GCC2: variants seen among roughly 807,000 people sequenced by gnomAD.
The protein encoded by GCC2 is GRIP and coiled-coil domain-containing protein 2.
In GCC2, 120 loss-of-function variants were observed where a neutral mutation model predicts 210.6. The observed-to-expected ratio is 0.57, with a 90% confidence interval of 0.49 to 0.66. The LOEUF is 0.66. Among genes scored for constraint, GCC2 ranks in the 30% least tolerant of loss-of-function variants. GCC2 has a pLI of 0.00. For missense variants in GCC2, 1,868 were observed against 1,871.9 expected (o/e 1.00, Z 0.04); for synonymous variants, 703 against 652.7 (o/e 1.08, Z -1.17).
intron 6 of GCC2, 136 bp downstream of exon 6, chr2:108,472,252 G>C: frequency 5.9e-6 from 3 of 505,928 alleles, no homozygotes; most frequent in South Asian, 4.1e-5. Context: ...TTTCTGAAAA[G>C]TGCATTAGAC....
chr2:108,491,099 A>G (rs1682383059), intron 18 of GCC2, among the ~76,000 whole-genome samples: 2 of 152,206 alleles, frequency 1.3e-5, no homozygotes, highest in African/African-American at 4.8e-5. Flanking sequence ...TACTTTATCT[A>G]TAGCAGATTG....
intron 20 of GCC2, 153 bp from the exon 21 acceptor site, chr2:108,496,817 G>C: frequency 2.9e-6 from 3 of 1,035,234 alleles, no homozygotes; most frequent in Admixed American, 2.8e-5. Context: ...CATATAATCT[G>C]TTGATTGAGG....
rs754450461 is a variant in GCC2, at chr2:108,507,544, GT to G, written c.4985-12del. On this transcript the variant is annotated splice_polypyrimidine_tract_variant and intron_variant, in intron 22 of 22. Transcript: ENST00000309863. ...TTCTTTTATTTTTCTTTTTTTTTTTGTTTTACTTTCCAAAGGTGAGGAAGAA... is the reference window on the plus strand; with the variant it reads ...TTCTTTTATTTTTCTTTTTTTTTTTGTTTACTTTCCAAAGGTGAGGAAGAA... 2.3e-6 allele frequency: 3 copies of G among 1,300,132 alleles called. No homozygotes were observed. The highest frequency in any genetic ancestry group is 3.1e-6 in the Non-Finnish European group (3 of 962,190). The allele number at this position is 1,300,132 out of a possible 1,614,324, so 80.5% of individuals were successfully genotyped here. A position where few individuals can be genotyped will look rare whatever the true frequency, so the allele number is the denominator to read the frequency against.
At position 108,475,823 on chromosome 2, in the gene GCC2, T is replaced by G. The variant is rs199582186; in HGVS notation, c.3033T>G (p.Asp1011Glu). 4 of 1,591,118 alleles carry G rather than the reference T, an allele frequency of 2.5e-6. No individual in the cohort carries two copies. Among genetic ancestry groups the G allele is most frequent in the Middle Eastern group, 1.7e-4 (1 of 5,970 alleles). The stretch of plus-strand genomic sequence containing the variant: ...ACCAGTTATCTGCTTCCATGAGAGA[T>G]CTCATTCAAGGAGCAGAAAGCTATA... ...EKDQLSASMR[D>E]LIQGAESYKN... The change falls in exon 9 of 23, where the codon GAT becomes GAG. Residue 1011 changes from aspartate (D) to glutamate (E), a missense_variant. Physicochemically the swap from Asp to Glu is conservative, Grantham distance 45 (BLOSUM62 2). Transcript: ENST00000309863.
chr2:108,478,007 C>T (rs921593752), intron 9 of GCC2, among the ~76,000 whole-genome samples: 1 of 152,202 alleles, frequency 6.6e-6, no homozygotes, highest in South Asian at 2.1e-4. Context: ...GATTGTACCA[C>T]TGCACCCCTA....
At chr2:108,453,737 A>C (rs1359341776) in intron 4 of GCC2, among the ~76,000 whole-genome samples, 1 of 151,482 alleles carries the variant, frequency 6.6e-6, no homozygotes, top group African/African-American at 2.4e-5. Context: ...ATGAGTTGAG[A>C]TTGAGCCACT....
chr2:108,458,639 G>C (rs1680394566), intron 4 of GCC2, among the ~76,000 whole-genome samples: 1 of 151,614 alleles, frequency 6.6e-6, no homozygotes, highest in Non-Finnish European at 1.5e-5. Flanking sequence ...TTTTTTCCTG[G>C]ATTTTTCTTT....
At chr2:108,452,550 GTT>G (rs916707157) in intron 4 of GCC2, 84 bp downstream of exon 4, 11 of 839,354 alleles carry the variant, frequency 1.3e-5, no homozygotes, top group African/African-American at 1.2e-4. Context: ...CTGGCTTTCT[GTT>G]TCTGTTCTAC....
chr2:108,472,862 T>C lies in GCC2; in HGVS notation c.2823T>C (p.Asp941=). The change falls in exon 7 of 23, where the codon GAT becomes GAC. Residue 941 remains aspartate, a synonymous_variant. Transcript: ENST00000309863. ...CAAAATCACCTTCTGTAAAAAATGA[T>C]CCTCTGTCTTCAGTAAAAGAGTTGG... The part of the protein sequence containing the change: ...SLAKSPSVKN[D]PLSSVKELEE... 1 of 1,596,464 alleles carries C rather than the reference T, an allele frequency of 6.3e-7. No homozygotes were observed. Among genetic ancestry groups the C allele is most frequent in the Non-Finnish European group, 8.6e-7 (1 of 1,168,818 alleles).
Position 108,492,618 on chromosome 2 carries a change from T to TA in GCC2, c.4276dup (p.Thr1426AsnfsTer17), listed in dbSNP as rs754762170. On this transcript the variant is annotated frameshift_variant, in exon 19 of 23. Transcript: ENST00000309863. LOFTEE classifies it high-confidence loss of function. Reference sequence around the variant, plus strand: ...AGAACATGATGATGAAATCTGAACATACACAGACTGTGAGTCAGCTAACAT... The same window carrying TA: ...AGAACATGATGATGAAATCTGAACATAACACAGACTGTGAGTCAGCTAACAT... The TA allele has an allele frequency of 2.4e-5, 38 of 1,613,678 alleles. No individual in the cohort carries two copies. The highest frequency in any genetic ancestry group is 1.3e-5 in the Non-Finnish European group (15 of 1,179,660).
intron 19 of GCC2, chr2:108,493,664 G>A: frequency 1.0e-6 from 1 of 985,442 alleles, no homozygotes; most frequent in Non-Finnish European, 1.2e-6. Flanking sequence ...CAGTATTTTA[G>A]TAGCAAGTTG....
chr2:108,492,050 A>G (rs1573224425), intron 18 of GCC2, among the ~76,000 whole-genome samples: 1 of 151,894 alleles, frequency 6.6e-6, no homozygotes, highest in East Asian at 1.9e-4. Context: ...GCTATAGTAA[A>G]CCAAGTCTGT....
intron 3 of GCC2, among the ~76,000 whole-genome samples, chr2:108,451,397 A>T (rs1469576160): frequency 6.6e-6 from 1 of 152,202 alleles, no homozygotes; most frequent in Non-Finnish European, 1.5e-5. Context: ...TAGACTTTAG[A>T]TTCTTCTGAG....
chr2:108,504,347 TA>T (rs1169160658), intron 22 of GCC2, among the ~76,000 whole-genome samples: 2 of 152,126 alleles, frequency 1.3e-5, no homozygotes, highest in Non-Finnish European at 2.9e-5. Context: ...AACATTAGCT[TA>T]GGGGGTAAAG....
chr2:108,504,424 T>C (rs1036594590), intron 22 of GCC2, among the ~76,000 whole-genome samples: 33 of 152,276 alleles, frequency 2.2e-4, no homozygotes, highest in African/African-American at 7.9e-4. Flanking sequence ...GGGGCCCAAC[T>C]TAAATTTCAA....
At chr2:108,468,720 C>T (rs1681031825) in intron 4 of GCC2, among the ~76,000 whole-genome samples, 4 of 152,204 alleles carry the variant, frequency 2.6e-5, no homozygotes, top group Admixed American at 1.3e-4. Flanking sequence ...TCATGTGTTT[C>T]CTTGTGCAGG....
Position 108,475,620 on chromosome 2 carries a change from T to G in GCC2, c.2946T>G (p.Asp982Glu), listed in dbSNP as rs540350740. ...LVAVKAKKEL[D>E]SSRKETQTVK... Reference sequence around the variant, plus strand: ...CCGTAAAGGCAAAGAAAGAACTAGATTCCAGCAGAAAAGAGGTGAGCTGAC... The same window carrying G: ...CCGTAAAGGCAAAGAAAGAACTAGAGTCCAGCAGAAAAGAGGTGAGCTGAC... The change falls in exon 8 of 23, where the codon GAT (aspartate) becomes GAG (glutamate). Residue 982 changes from aspartate (D) to glutamate (E), a missense_variant. Coordinates refer to ENST00000309863, the MANE Select transcript of GCC2 (RefSeq NM_181453.4). 3 of 1,544,640 alleles carry G rather than the reference T, an allele frequency of 1.9e-6. No individual in the cohort carries two copies. The African/African-American group carries it at 4.2e-5, about 22-fold the overall frequency.
At chr2:108,481,671 A>G (rs763638581) in intron 9 of GCC2, 26 bp from the exon 10 acceptor site, 1 of 1,561,042 alleles carries the variant, frequency 6.4e-7, no homozygotes, top group South Asian at 1.2e-5. Context: ...ATTATATACC[A>G]AAGTTAAATC....
chr2:108,506,128 G>A (rs1384757209), intron 22 of GCC2, among the ~76,000 whole-genome samples: 4 of 152,058 alleles, frequency 2.6e-5, no homozygotes, highest in Non-Finnish European at 5.9e-5. Flanking sequence ...GAATTATGTG[G>A]TATATGAATT....
Sources: allele counts gnomAD v4.1 joint callset (sites outside exome capture counted in the v4.1 genomes callset), GRCh38; gene constraint gnomAD v4.1.1; transcripts MANE v1.5; gene names NCBI Gene and HGNC (gene_info 2026-07-23, HGNC 2026-07-21).